The following SLC6A17 variants were observed in gnomAD, a reference collection of about 807,000 sequenced individuals.
SLC6A17 encodes sodium-dependent neutral amino acid transporter SLC6A17.
A neutral mutation model predicts 64.5 loss-of-function variants in SLC6A17; 21 were observed. The observed-to-expected ratio is 0.33, with a 90% CI of 0.23 to 0.47. The LOEUF is 0.47. SLC6A17 is among the 20% of genes least tolerant of loss of function. The pLI, the probability that SLC6A17 is intolerant of heterozygous loss-of-function variation, is 1.00. For missense variants in SLC6A17, 682 were observed against 963.2 expected (o/e 0.71, Z 3.86); for synonymous variants, 372 against 399.5 (o/e 0.93, Z 0.82).
intron 1 of SLC6A17, among the ~76,000 whole-genome samples, chr1:110,161,908 A>G (rs535982284): frequency 4.6e-5 from 7 of 152,332 alleles, no homozygotes; most frequent in South Asian, 2.1e-4. Flanking sequence ...CCCCTCTGGC[A>G]GGAGATATTT....
chr1:110,198,418 G>T lies in SLC6A17; in HGVS notation c.2158G>T (p.Ala720Ser). The part of the protein sequence containing the change: ...NGRYGSGYLL[A>S]STPESEL ...ACGCTATGGGAGCGGCTACCTGCTG[G>T]CCAGCACCCCTGAGTCGGAGCTGTG... Residue 720 changes from alanine (A) to serine (S), a missense_variant, in exon 12 of 12, where the codon GCC becomes TCC. Ala to Ser is a moderately conservative substitution (Grantham distance 99). Coordinates refer to ENST00000331565, the MANE Select transcript of SLC6A17 (RefSeq NM_001010898.4). 1 of 1,612,476 alleles carries T rather than the reference G, an allele frequency of 6.2e-7. No individual in the cohort carries two copies. The highest frequency in any genetic ancestry group is 8.5e-7 in the Non-Finnish European group (1 of 1,179,378).
intron 3 of SLC6A17, 74 bp from the exon 4 acceptor site, chr1:110,173,899 G>GAAA: frequency 6.5e-7 from 1 of 1,530,952 alleles, no homozygotes; most frequent in Non-Finnish European, 8.8e-7. Flanking sequence ...CGACGTGCTG[G>GAAA]GCCTCGGGTG....
chr1:110,187,729 G>A (rs1656722667), intron 6 of SLC6A17, among the ~76,000 whole-genome samples: 2 of 152,232 alleles, frequency 1.3e-5, no homozygotes, highest in African/African-American at 4.8e-5. Flanking sequence ...ATTGACATTT[G>A]CGAATACCAG....
chr1:110,169,649 C>T (rs904245431), intron 2 of SLC6A17, among the ~76,000 whole-genome samples: 20 of 152,086 alleles, frequency 1.3e-4, no homozygotes, highest in African/African-American at 4.8e-4. Flanking sequence ...TCCAGAAGGC[C>T]TCAGAGATCC....
chr1:110,172,235 G>A lies in SLC6A17; in HGVS notation c.444+18G>A. 1.9e-6 allele frequency: 3 copies of A among 1,564,366 alleles called. No homozygotes were observed. The highest frequency in any genetic ancestry group is 2.6e-6 in the Non-Finnish European group (3 of 1,157,108). The stretch of plus-strand genomic sequence containing the variant: ...GCTGCATAGTGAGTCAAGGGCTGGG[G>A]CAGGCACTGAGTGGGAGGCAGGGGG... On this transcript the variant is annotated intron_variant, in intron 3 of 11. Transcript: ENST00000331565.
At chr1:110,184,470 ATATATAAACCCATT>A (rs1656625880) in intron 6 of SLC6A17, among the ~76,000 whole-genome samples, 1 of 152,188 alleles carries the variant, frequency 6.6e-6, no homozygotes, top group Non-Finnish European at 1.5e-5. Context: ...TGCACTTTGC[ATATATAAACCCATT>A]TAAACCTCCT....
intron 10 of SLC6A17, among the ~76,000 whole-genome samples, 195 bp from the exon 11 acceptor site, chr1:110,197,242 A>G (rs2761442): frequency 0.39 from 59,493 of 152,102 alleles, 13,324 homozygotes; most frequent in Non-Finnish European, 0.51. Flanking sequence ...CGGAATCAGA[A>G]GAGGTTAGAG....
intron 6 of SLC6A17, among the ~76,000 whole-genome samples, chr1:110,181,672 T>C (rs1557837079): frequency 6.6e-6 from 1 of 152,222 alleles, no homozygotes; most frequent in South Asian, 2.1e-4. Flanking sequence ...TTATGGACAG[T>C]ACCGTCAAGG....
intron 1 of SLC6A17, among the ~76,000 whole-genome samples, chr1:110,160,166 A>G (rs990082176): frequency 3.9e-5 from 6 of 152,258 alleles, no homozygotes; most frequent in Non-Finnish European, 5.9e-5. Flanking sequence ...TTACAGATGA[A>G]TAAGAAACAA....
chr1:110,192,316 C>A lies in SLC6A17; in HGVS notation c.1106+103C>A. The A allele has an allele frequency of 6.6e-7, 1 of 1,509,536 alleles. No individual in the cohort carries two copies. The highest frequency in any genetic ancestry group is 9.0e-7 in the Non-Finnish European group (1 of 1,113,496). 93.5% of individuals were successfully genotyped at this position (1,509,536 alleles called of 1,614,324 possible). A position where few individuals can be genotyped will look rare whatever the true frequency, so the allele number is the denominator to read the frequency against. Reference sequence around the variant, plus strand: ...TGTGCATGGGGAGAGAGGTCCCCTCCACTCAGACTGAGGAATGGAGATCAG... The same window carrying A: ...TGTGCATGGGGAGAGAGGTCCCCTCAACTCAGACTGAGGAATGGAGATCAG... On this transcript the variant is annotated intron_variant, in intron 7 of 11. Coordinates refer to ENST00000331565, the MANE Select transcript of SLC6A17 (RefSeq NM_001010898.4). This position sits in a 1 kb window ranked among gnomAD's most constrained non-coding sequence, Gnocchi z 4.3.
chr1:110,172,346 C>A, intron 3 of SLC6A17, 129 bp downstream of exon 3: 1 of 1,206,244 alleles, frequency 8.3e-7, no homozygotes, highest in Non-Finnish European at 1.1e-6. Context: ...GGATCCTCAA[C>A]ATGGGAATTA....
intron 6 of SLC6A17, among the ~76,000 whole-genome samples, chr1:110,190,088 A>G (rs1656785198): frequency 6.6e-6 from 1 of 152,160 alleles, no homozygotes; most frequent in African/African-American, 2.4e-5. Context: ...GCAGGTGCTC[A>G]GAGATTGATG....
At chr1:110,176,164 A>C (rs1377367985) in intron 5 of SLC6A17, among the ~76,000 whole-genome samples, 1 of 152,156 alleles carries the variant, frequency 6.6e-6, no homozygotes, top group East Asian at 1.9e-4. Context: ...CACACGATTC[A>C]TCCTCACAAG....
In SLC6A17 at chr1:110,198,461, G is replaced by A; in HGVS notation, c.*17G>A. On this transcript the variant is annotated 3_prime_UTR_variant, in exon 12 of 12. Coordinates refer to ENST00000331565, the MANE Select transcript of SLC6A17 (RefSeq NM_001010898.4). ...GAGCTGTGACCACTGCCCAAGCCCT[G>A]CCCGCCTCTCCCCCCACGCTCAACC... The A allele has an allele frequency of 1.3e-6, 2 of 1,583,046 alleles. No homozygotes were observed. The highest frequency in any genetic ancestry group is 1.7e-6 in the Non-Finnish European group (2 of 1,163,612).
At chr1:110,181,054 C>T (rs1656509835) in intron 6 of SLC6A17, among the ~76,000 whole-genome samples, 1 of 152,172 alleles carries the variant, frequency 6.6e-6, no homozygotes, top group East Asian at 1.9e-4. Flanking sequence ...GACCCATTAG[C>T]ATCGTTGGTA....
intron 1 of SLC6A17, among the ~76,000 whole-genome samples, chr1:110,152,277 G>A (rs972442603): frequency 6.6e-6 from 1 of 152,204 alleles, no homozygotes; most frequent in Non-Finnish European, 1.5e-5. Context: ...TTCTCCAATG[G>A]AACATCTGTG....
intron 1 of SLC6A17, among the ~76,000 whole-genome samples, chr1:110,160,355 G>A (rs1004013240): frequency 6.6e-6 from 1 of 152,236 alleles, no homozygotes; most frequent in Non-Finnish European, 1.5e-5. Context: ...ATTTCAACAT[G>A]GCAAGCAGGT....
chr1:110,193,183 C>G (rs181929359), intron 8 of SLC6A17, among the ~76,000 whole-genome samples: 3 of 152,294 alleles, frequency 2.0e-5, no homozygotes, highest in African/African-American at 7.2e-5. Flanking sequence ...TGATCAAGGT[C>G]TCATAACTAG....
intron 1 of SLC6A17, chr1:110,166,306 C>G (rs1216279884): frequency 6.6e-6 from 1 of 150,974 alleles, no homozygotes; most frequent in Non-Finnish European, 1.5e-5. Context: ...TTTAAATCAC[C>G]TGGGGATCCT....
Sources: gnomAD v4.1 joint callset for allele counts (sites outside exome capture counted in the v4.1 genomes callset) on GRCh38, gnomAD v4.1.1 for gene constraint, Gnocchi (gnomAD v3.1) non-coding constraint, MANE v1.5 for transcripts, NCBI Gene and HGNC (gene_info 2026-07-23, HGNC 2026-07-21) for gene names.